The following ZNF385D variants were observed in gnomAD, a reference collection of about 807,000 sequenced individuals.
ZNF385D encodes zinc finger protein 659.
Under a neutral mutation model 35.8 loss-of-function variants are expected in ZNF385D, and 15 were observed. The ratio of observed to expected loss-of-function variants is 0.42; its 90% CI spans 0.28 to 0.64. ZNF385D has a LOEUF of 0.64. Among genes scored for constraint, ZNF385D ranks in the 30% least tolerant of loss-of-function variants. The pLI, the probability that ZNF385D is intolerant of heterozygous loss-of-function variation, is 0.23. For synonymous variants in ZNF385D, 212 were observed against 186.8 expected (o/e 1.13, Z -1.10); for missense variants, 474 against 494.6 (o/e 0.96, Z 0.39).
chr3:22,002,030 G>C (rs967281295), intron 3 of ZNF385D, among the ~76,000 whole-genome samples: 16 of 151,432 alleles, frequency 1.1e-4, no homozygotes, highest in Admixed American at 3.3e-4. Context: ...ATAGCTCAAG[G>C]TACTAGAAAA....
chr3:22,342,400 A>G (rs1208067979), intron 2 of ZNF385D, among the ~76,000 whole-genome samples: 1 of 152,130 alleles, frequency 6.6e-6, no homozygotes, highest in African/African-American at 2.4e-5. Flanking sequence ...GTAGACTTAC[A>G]ATCAAGTTCT....
intron 3 of ZNF385D, among the ~76,000 whole-genome samples, chr3:21,889,340 G>T (rs1382664713): frequency 2.0e-5 from 3 of 152,164 alleles, no homozygotes; most frequent in South Asian, 4.1e-4. Context: ...CAAGATGGGG[G>T]AGGTGAGGCG....
intron 2 of ZNF385D, among the ~76,000 whole-genome samples, chr3:22,288,223 G>A (rs537572112): frequency 6.6e-6 from 1 of 152,014 alleles, no homozygotes; most frequent in Non-Finnish European, 1.5e-5. Flanking sequence ...GCCTCAGAGT[G>A]AGTATCTTTA....
chr3:21,901,804 G>C (rs575445586), intron 3 of ZNF385D, among the ~76,000 whole-genome samples: 1 of 152,300 alleles, frequency 6.6e-6, no homozygotes, highest in South Asian at 2.1e-4. Context: ...GGAAGACCCA[G>C]ACTAACAGGT....
chr3:21,883,535 T>A (rs1372730370), intron 3 of ZNF385D, among the ~76,000 whole-genome samples: 1 of 151,966 alleles, frequency 6.6e-6, no homozygotes, highest in African/African-American at 2.4e-5. Context: ...TCATCCTTGG[T>A]CATGCTATTT....
rs541423668 is a variant in ZNF385D, at chr3:21,996,149, T to C, written c.325+172668A>G. Among the ~76,000 whole-genome samples, 3 of 152,204 alleles carry C rather than the reference T, an allele frequency of 2.0e-5. No individual in the cohort carries two copies. In the South Asian group the frequency reaches 6.2e-4, roughly 32 times the overall value. On this transcript the variant is annotated intron_variant, in intron 3 of 5. Coordinates refer to the ZNF385D transcript ENST00000494108. Reference sequence around the variant, plus strand: ...AGCTGCTTGGGACTCAGCGTGTGTATGGGACCCAGCACAAACTACCTCTCC... The same window carrying C: ...AGCTGCTTGGGACTCAGCGTGTGTACGGGACCCAGCACAAACTACCTCTCC...
At chr3:22,306,488 T>C (rs560791374) in intron 2 of ZNF385D, among the ~76,000 whole-genome samples, 1 of 152,194 alleles carries the variant, frequency 6.6e-6, no homozygotes, top group African/African-American at 2.4e-5. Context: ...AGTTCTACAA[T>C]AATAGAGAAA....
In ZNF385D at chr3:22,040,068, G is replaced by T. The variant is rs190245155; in HGVS notation, c.325+128749C>A. Reference sequence around the variant, plus strand: ...ATTCGTACTAACGGCCAAGTCTCAAGATTTCAGTGTGTACCTAACTCTCCT... The same window carrying T: ...ATTCGTACTAACGGCCAAGTCTCAATATTTCAGTGTGTACCTAACTCTCCT... On this transcript the variant is annotated intron_variant, in intron 3 of 5. Transcript: ENST00000494108. Among the ~76,000 whole-genome samples the T allele has an allele frequency of 2.9e-3, 446 of 152,234 alleles. 2 individuals carry two copies. The highest frequency in any genetic ancestry group is 0.01 in the African/African-American group (422 of 41,530).
chr3:22,160,848 C>T (rs1705904979), intron 3 of ZNF385D, among the ~76,000 whole-genome samples: 1 of 152,104 alleles, frequency 6.6e-6, no homozygotes, highest in African/African-American at 2.4e-5. Flanking sequence ...GGTAGGTCAA[C>T]TTGTTACTCA....
At chr3:21,769,416 T>A (rs1360144183) in intron 3 of ZNF385D, among the ~76,000 whole-genome samples, 1 of 115,982 alleles carries the variant, frequency 8.6e-6, no homozygotes, top group Non-Finnish European at 1.7e-5. Flanking sequence ...TGTGCAAAAA[T>A]CACATGCATT....
intron 2 of ZNF385D, among the ~76,000 whole-genome samples, chr3:21,615,110 G>C (rs1315275925): frequency 6.6e-6 from 1 of 152,216 alleles, no homozygotes. Context: ...CCCCATTGTT[G>C]AAGGTGGGGC....
At chr3:22,244,411 A>G (rs905705515) in intron 2 of ZNF385D, among the ~76,000 whole-genome samples, 1 of 149,924 alleles carries the variant, frequency 6.7e-6, no homozygotes, top group Non-Finnish European at 1.5e-5. Flanking sequence ...TAAAACGCAG[A>G]AAAGTAAAAT....
intron 3 of ZNF385D, among the ~76,000 whole-genome samples, chr3:22,075,098 G>T (rs1367123418): frequency 6.6e-6 from 1 of 151,884 alleles, no homozygotes; most frequent in Non-Finnish European, 1.5e-5. Flanking sequence ...CAGAGATTTT[G>T]ATTAGCTGGT....
intron 3 of ZNF385D, among the ~76,000 whole-genome samples, chr3:21,786,980 G>T (rs539346904): frequency 6.6e-6 from 1 of 152,220 alleles, no homozygotes; most frequent in South Asian, 2.1e-4. Context: ...AATTGAACAC[G>T]TGTTTATCTT....
In ZNF385D at chr3:22,173,427, A is replaced by G. The variant is rs1202638466; in HGVS notation, c.107-4392T>C. On this transcript the variant is annotated intron_variant, in intron 2 of 5. Transcript: ENST00000494108. ...TGGGAGGTCTATGGGAACTCTACCA[A>G]TTTGGCAACTTTTCTGCAACTCTAA... Among the ~76,000 whole-genome samples the G allele has an allele frequency of 2.0e-5, 3 of 152,198 alleles. No homozygotes were observed. The East Asian group carries it at 5.8e-4, about 29-fold the overall frequency.
intron 3 of ZNF385D, among the ~76,000 whole-genome samples, chr3:22,090,238 T>A (rs139198537): frequency 2.3e-4 from 35 of 152,318 alleles, no homozygotes; most frequent in African/African-American, 8.2e-4. Context: ...ATGATGACAT[T>A]TGGGGAATAT....
At chr3:22,293,017 AAC>A (rs1053207178) in intron 2 of ZNF385D, among the ~76,000 whole-genome samples, 24 of 152,252 alleles carry the variant, frequency 1.6e-4, no homozygotes, top group African/African-American at 5.8e-4. Context: ...CATTGATTTC[AAC>A]AGTTACCTCA....
intron 3 of ZNF385D, among the ~76,000 whole-genome samples, chr3:21,520,081 C>G (rs1215710743): frequency 6.6e-6 from 1 of 152,160 alleles, no homozygotes; most frequent in Non-Finnish European, 1.5e-5. Context: ...TGAGCAATAG[C>G]TCTCCTCACT....
chr3:22,247,325 C>T (rs569680923), intron 2 of ZNF385D, among the ~76,000 whole-genome samples: 3 of 151,918 alleles, frequency 2.0e-5, no homozygotes, highest in Non-Finnish European at 4.4e-5. Context: ...AAAAATGGTA[C>T]AGTAGAAAGT....
Sources: allele counts gnomAD v4.1 joint callset (sites outside exome capture counted in the v4.1 genomes callset), GRCh38; gene constraint gnomAD v4.1.1; transcripts MANE v1.5; gene names NCBI Gene and HGNC (gene_info 2026-07-23, HGNC 2026-07-21).